Variants in WDFY4 observed in about 807,000 individuals in gnomAD.
WDFY4 encodes WD repeat- and FYVE domain-containing protein 4.
Under a neutral mutation model 351.9 loss-of-function variants are expected in WDFY4, and 169 were observed. The ratio of observed to expected loss-of-function variants is 0.48; its 90% CI spans 0.42 to 0.55. The LOEUF (loss-of-function observed/expected upper bound fraction) is 0.55, where lower values mean the gene tolerates loss of function less well. Among genes scored for constraint, WDFY4 ranks in the 20% least tolerant of loss-of-function variants. The pLI is 0.00. For synonymous variants in WDFY4, 1,622 were observed against 1,574.6 expected, an observed-to-expected ratio of 1.03 and a Z score of -0.71; for missense variants, 3,803 against 3,935.6, an observed-to-expected ratio of 0.97 and a Z score of 0.90.
At chr10:48,695,822 C>A (rs1012886661) in intron 1 of WDFY4, among the ~76,000 whole-genome samples, 39 of 152,114 alleles carry the variant, frequency 2.6e-4, no homozygotes, top group African/African-American at 9.4e-4. Context: ...GGAACTGCTC[C>A]CTGGCCATTT....
At chr10:48,716,265 CA>C (rs2063907439) in intron 2 of WDFY4, among the ~76,000 whole-genome samples, 1 of 152,124 alleles carries the variant, frequency 6.6e-6, no homozygotes, top group Admixed American at 6.5e-5. Flanking sequence ...GAATACCAAC[CA>C]TGTTCTCTTT....
At chr10:48,927,723 T>C (rs1199038471) in intron 47 of WDFY4, among the ~76,000 whole-genome samples, 1 of 152,220 alleles carries the variant, frequency 6.6e-6, no homozygotes, top group Non-Finnish European at 1.5e-5. Context: ...TAGCGGATAA[T>C]AAGAATTCAA....
chr10:48,787,893 CCTTCTTCTTCTTCTT>C (rs1182060101), intron 20 of WDFY4, among the ~76,000 whole-genome samples: 596 of 48,054 alleles, frequency 0.012, 13 homozygotes, highest in Non-Finnish European at 0.014. Flanking sequence ...TTCTTCTTCT[CCTTCTTCTTCTTCTT>C]CTTCTTCTTC....
rs747593206 is a variant in WDFY4 at position 48,796,290 on chromosome 10, C to A, written c.4258-8C>A. 3.2e-6 allele frequency: 5 copies of A among 1,550,890 alleles called. No individual in the cohort carries two copies. In the South Asian group the frequency reaches 4.8e-5, roughly 15 times the overall value. On this transcript the variant is annotated splice_polypyrimidine_tract_variant and splice_region_variant and intron_variant, in intron 23 of 61. Coordinates refer to ENST00000325239, the MANE Select transcript of WDFY4 (RefSeq NM_001394531.1). ...CATGAGGAAACTGCTTTGTGTTAACCTTTTCAGATAATGGCGTTTCTCCTG... is the reference window on the plus strand; with the variant it reads ...CATGAGGAAACTGCTTTGTGTTAACATTTTCAGATAATGGCGTTTCTCCTG...
intron 7 of WDFY4, among the ~76,000 whole-genome samples, chr10:48,729,154 T>C (rs529667954): frequency 6.6e-6 from 1 of 152,352 alleles, no homozygotes; most frequent in East Asian, 1.9e-4. Flanking sequence ...CCTAACCACA[T>C]GTCTTTTGGA....
At chr10:48,779,208 T>A (rs1204021066) in intron 18 of WDFY4, among the ~76,000 whole-genome samples, 2 of 152,220 alleles carry the variant, frequency 1.3e-5, no homozygotes. Context: ...CACACACAAT[T>A]TAGCTGGAGC....
Position 48,982,829 on chromosome 10 carries a change from G to C in WDFY4, c.*254G>C. Reference sequence around the variant, plus strand: ...GGAAACTGTGACTTGGTGATGCCCAGCTGCACACGAAATTACACATGACTC... The same window carrying C: ...GGAAACTGTGACTTGGTGATGCCCACCTGCACACGAAATTACACATGACTC... On this transcript the variant is annotated 3_prime_UTR_variant, in exon 62 of 62. Transcript: ENST00000325239. The C allele has an allele frequency of 1.8e-6, 1 of 555,484 alleles. No individual in the cohort carries two copies. Among genetic ancestry groups the C allele is most frequent in the Non-Finnish European group, 3.5e-6 (1 of 282,816 alleles). The allele number at this position is 555,484 out of a possible 1,614,324, so 34.4% of individuals were successfully genotyped here. A position where few individuals can be genotyped will look rare whatever the true frequency, so the allele number is the denominator to read the frequency against.
At chr10:48,846,898 C>T (rs1564412873) in intron 39 of WDFY4, among the ~76,000 whole-genome samples, 1 of 152,150 alleles carries the variant, frequency 6.6e-6, no homozygotes, top group East Asian at 1.9e-4. Flanking sequence ...CCTTTTTGCT[C>T]TTCATAAAGC....
At chr10:48,892,709 T>G (rs1836875418) in intron 44 of WDFY4, among the ~76,000 whole-genome samples, 1 of 152,232 alleles carries the variant, frequency 6.6e-6, no homozygotes, top group African/African-American at 2.4e-5. Context: ...AATGTTTCTG[T>G]AAAAGACTGC....
intron 8 of WDFY4, among the ~76,000 whole-genome samples, chr10:48,729,909 T>A (rs1367618424): frequency 6.6e-6 from 1 of 152,248 alleles, no homozygotes; most frequent in Admixed American, 6.5e-5. Flanking sequence ...AGTCAGTGAC[T>A]TCTCAGTACT....
intron 39 of WDFY4, among the ~76,000 whole-genome samples, chr10:48,864,431 T>C (rs1046674245): frequency 6.6e-6 from 1 of 152,226 alleles, no homozygotes. Flanking sequence ...TTTTATTCCA[T>C]TGATGTATAT....
At chr10:48,823,796 C>G in intron 35 of WDFY4, 1 of 988,912 alleles carries the variant, frequency 1.0e-6, no homozygotes, top group South Asian at 4.6e-5. Context: ...CACATATCCA[C>G]CAGCCTCCTC....
At chr10:48,937,775 G>A (rs2457466) in intron 47 of WDFY4, among the ~76,000 whole-genome samples, 78,174 of 152,074 alleles carry the variant, frequency 0.51, 20,462 homozygotes, top group East Asian at 0.66. Flanking sequence ...GAAAGGGTAC[G>A]TCTGTCTCTA....
Position 48,981,354 on chromosome 10 carries a change from A to G in WDFY4, c.9377-13A>G. On this transcript the variant is annotated splice_polypyrimidine_tract_variant and intron_variant, in intron 60 of 61. Transcript: ENST00000325239. ...TCTGGCGTTCTAACTCTTCTCTCAC[A>G]TGCTCCACACAGGCCACAAGTGGGA... 6.4e-7 allele frequency: 1 copy of G among 1,551,424 alleles called. No individual in the cohort carries two copies. Among genetic ancestry groups the G allele is most frequent in the South Asian group, 1.2e-5 (1 of 84,062 alleles).
chr10:48,957,321 C>G, intron 52 of WDFY4, 39 bp downstream of exon 52: 1 of 1,538,544 alleles, frequency 6.5e-7, no homozygotes, highest in Non-Finnish European at 8.8e-7. Flanking sequence ...AGTGGCGTTG[C>G]AGGGTGCTCT....
chr10:48,785,987 G>T (rs1440042810), intron 19 of WDFY4, among the ~76,000 whole-genome samples: 1 of 152,114 alleles, frequency 6.6e-6, no homozygotes, highest in Admixed American at 6.5e-5. Context: ...CATGAACCTG[G>T]TATGTCTCTC....
At chr10:48,827,943 C>T (rs1208996506) in intron 36 of WDFY4, among the ~76,000 whole-genome samples, 1 of 151,552 alleles carries the variant, frequency 6.6e-6, no homozygotes, top group Non-Finnish European at 1.5e-5. Flanking sequence ...ATCCTGGAAG[C>T]ACAGGTAAAG....
intron 43 of WDFY4, among the ~76,000 whole-genome samples, chr10:48,885,018 GAACA>G (rs1373108471): frequency 6.6e-6 from 1 of 152,034 alleles, no homozygotes; most frequent in Non-Finnish European, 1.5e-5. Context: ...ATAAATGAAT[GAACA>G]AATAGATGAG....
chr10:48,910,814 A>G (rs1369428465), intron 47 of WDFY4: 2 of 651,842 alleles, frequency 3.1e-6, no homozygotes, highest in African/African-American at 4.0e-5. Context: ...GGTGTTGAGG[A>G]CCAAGCATGG....
Sources: allele counts gnomAD v4.1 joint callset (sites outside exome capture counted in the v4.1 genomes callset), GRCh38; gene constraint gnomAD v4.1.1; transcripts MANE v1.5; gene names NCBI Gene and HGNC (gene_info 2026-07-23, HGNC 2026-07-21).